Variants in ACVR1 observed in about 807,000 individuals in gnomAD.
ACVR1 encodes activin A receptor type 1.
ACVR1 carries 38 observed loss-of-function variants against 57.1 expected under a neutral mutation model. That is an observed-to-expected ratio of 0.67 (90% CI 0.51 to 0.87). The LOEUF (loss-of-function observed/expected upper bound fraction) is 0.87, where lower values mean the gene tolerates loss of function less well. Ranked by LOEUF, ACVR1 falls within the 40% of genes least tolerant of loss-of-function variation. The pLI is 0.00. For synonymous variants in ACVR1, 212 were observed against 228.1 expected (o/e 0.93, Z 0.63); for missense variants, 463 against 638.2 (o/e 0.73, Z 2.96).
chr2:157,770,651 A>G (rs1047100761), intron 6 of ACVR1, 137 bp from the exon 7 acceptor site: 1 of 909,546 alleles, frequency 1.1e-6, no homozygotes. Context: ...GCTTGGGAAT[A>G]TAAATATCAC....
At chr2:157,750,108 G>A (rs922611585) in intron 9 of ACVR1, among the ~76,000 whole-genome samples, 1 of 152,214 alleles carries the variant, frequency 6.6e-6, no homozygotes, top group Non-Finnish European at 1.5e-5. Context: ...ACTGGAGCCT[G>A]AGCATGCCTC....
At chr2:157,868,380 G>A (rs773158468) in intron 1 of ACVR1, among the ~76,000 whole-genome samples, 30 of 151,588 alleles carry the variant, frequency 2.0e-4, no homozygotes, top group Non-Finnish European at 3.8e-4. Context: ...CCAGCTACTC[G>A]GGAGGCTGAG....
chr2:157,755,387 A>G (rs989905061), intron 9 of ACVR1, among the ~76,000 whole-genome samples: 1 of 152,146 alleles, frequency 6.6e-6, no homozygotes, highest in Non-Finnish European at 1.5e-5. Flanking sequence ...AAAAGCTCCT[A>G]TAACTGATAA....
At chr2:157,752,965 T>C (rs1011947205) in intron 9 of ACVR1, among the ~76,000 whole-genome samples, 4 of 152,172 alleles carry the variant, frequency 2.6e-5, no homozygotes, top group Admixed American at 2.6e-4. Flanking sequence ...CATATCTCAA[T>C]ACTAACCTTG....
chr2:157,869,345 G>A (rs558972255), intron 1 of ACVR1, among the ~76,000 whole-genome samples: 5 of 152,240 alleles, frequency 3.3e-5, no homozygotes, highest in South Asian at 2.1e-4. Flanking sequence ...AAAAGAAAAC[G>A]AAAGTCTCAT....
At chr2:157,829,989 C>T (rs1004294270) in intron 1 of ACVR1, among the ~76,000 whole-genome samples, 2 of 152,176 alleles carry the variant, frequency 1.3e-5, no homozygotes, top group African/African-American at 4.8e-5. Context: ...GAAGCCAAGG[C>T]AGGTGGATCA....
intron 9 of ACVR1, among the ~76,000 whole-genome samples, chr2:157,741,454 G>A (rs888973236): frequency 4.0e-5 from 6 of 151,770 alleles, no homozygotes; most frequent in East Asian, 1.9e-4. Flanking sequence ...GTGAAACCCC[G>A]TCTCTACTAA....
rs1328702875 is a variant in ACVR1, at chr2:157,737,438, G to A, written c.*93C>T. ...CAGCCATTTGGGGAGGGAGACAGAT[G>A]GATTCCATTCTGACAACCAGTCAGG... On this transcript the variant is annotated 3_prime_UTR_variant, in exon 11 of 11. Transcript: ENST00000434821. The A allele has an allele frequency of 2.0e-6, 3 of 1,502,790 alleles. No homozygotes were observed. The highest frequency in any genetic ancestry group is 2.7e-6 in the Non-Finnish European group (3 of 1,097,536). 93.1% of individuals were successfully genotyped at this position (1,502,790 alleles called of 1,614,324 possible). A position where few individuals can be genotyped will look rare whatever the true frequency, so the allele number is the denominator to read the frequency against.
intron 1 of ACVR1, among the ~76,000 whole-genome samples, chr2:157,828,921 C>G (rs968732994): frequency 3.9e-5 from 6 of 152,038 alleles, no homozygotes; most frequent in Non-Finnish European, 8.8e-5. Context: ...CACCCACCAC[C>G]ATGCCCAGAT....
At chr2:157,747,958 A>G (rs920451622) in intron 9 of ACVR1, among the ~76,000 whole-genome samples, 2 of 152,244 alleles carry the variant, frequency 1.3e-5, no homozygotes, top group African/African-American at 4.8e-5. Flanking sequence ...GGAACCAGTT[A>G]ACAGTCTTGG....
chr2:157,818,205 C>T (rs145277076), intron 2 of ACVR1, among the ~76,000 whole-genome samples, 180 bp downstream of exon 2: 43 of 152,268 alleles, frequency 2.8e-4, no homozygotes, highest in Non-Finnish European at 5.9e-4. Context: ...TTAGGCTGGT[C>T]CTAACTTTCT....
At chr2:157,824,067 A>G (rs898703274) in intron 1 of ACVR1, among the ~76,000 whole-genome samples, 3 of 152,192 alleles carry the variant, frequency 2.0e-5, no homozygotes, top group South Asian at 2.1e-4. Context: ...TGTAAACTCA[A>G]TATTTAAGGA....
chr2:157,864,960 A>C (rs923013032), intron 1 of ACVR1, among the ~76,000 whole-genome samples: 2 of 151,056 alleles, frequency 1.3e-5, no homozygotes, highest in Non-Finnish European at 3.0e-5. Flanking sequence ...TTTTTTTTTT[A>C]AAAAGGTGAT....
intron 9 of ACVR1, among the ~76,000 whole-genome samples, chr2:157,757,445 A>AT (rs144581223): frequency 0.019 from 2,928 of 152,028 alleles, 89 homozygotes; most frequent in African/African-American, 0.066. Flanking sequence ...TCCAAGGCAC[A>AT]TTATAGTCAA....
At chr2:157,740,004 C>A (rs992948201) in intron 9 of ACVR1, among the ~76,000 whole-genome samples, 3 of 151,926 alleles carry the variant, frequency 2.0e-5, no homozygotes, top group African/African-American at 7.3e-5. Flanking sequence ...GGCAACATGG[C>A]AAGACCCTGT....
chr2:157,802,217 G>A (rs1687350884), intron 2 of ACVR1, among the ~76,000 whole-genome samples: 2 of 152,050 alleles, frequency 1.3e-5, no homozygotes. Context: ...GGTGGGAGAG[G>A]GTGAATACAG....
chr2:157,751,524 C>G (rs1685192131), intron 9 of ACVR1, among the ~76,000 whole-genome samples: 1 of 152,236 alleles, frequency 6.6e-6, no homozygotes, highest in African/African-American at 2.4e-5. Flanking sequence ...GCCCTGCTTG[C>G]TTTCTCAGCT....
At chr2:157,810,378 G>C (rs554855075) in intron 2 of ACVR1, among the ~76,000 whole-genome samples, 1 of 152,264 alleles carries the variant, frequency 6.6e-6, no homozygotes, top group Admixed American at 6.5e-5. Flanking sequence ...GGCAGGGAGG[G>C]GTCCCTGTAT....
At chr2:157,815,743 A>G (rs1687912710) in intron 2 of ACVR1, among the ~76,000 whole-genome samples, 1 of 152,232 alleles carries the variant, frequency 6.6e-6, no homozygotes, top group Non-Finnish European at 1.5e-5. Flanking sequence ...TGGTAGCCAG[A>G]ACTAACAACT....
Sources: gnomAD v4.1 joint callset for allele counts (sites outside exome capture counted in the v4.1 genomes callset) on GRCh38, gnomAD v4.1.1 for gene constraint, MANE v1.5 for transcripts, NCBI Gene and HGNC (gene_info 2026-07-23, HGNC 2026-07-21) for gene names.